GABRA2: variants seen among roughly 807,000 people sequenced by gnomAD.
GABRA2 encodes the protein gamma-aminobutyric acid type A receptor subunit alpha2.
Under a neutral mutation model 48.7 loss-of-function variants are expected in GABRA2, and 16 were observed. That is an observed-to-expected ratio of 0.33 (90% CI 0.22 to 0.50). The LOEUF (loss-of-function observed/expected upper bound fraction) is 0.50, where lower values mean the gene tolerates loss of function less well. GABRA2 is among the 20% of genes least tolerant of loss of function. GABRA2 has a pLI of 0.98. For missense variants in GABRA2, 275 were observed against 535.6 expected, an observed-to-expected ratio of 0.51 and a Z score of 4.80; for synonymous variants, 185 against 184.5, an observed-to-expected ratio of 1.00 and a Z score of -0.02.
chr4:46,305,164 C>T (rs555442730), intron 7 of GABRA2, among the ~76,000 whole-genome samples: 35 of 144,186 alleles, frequency 2.4e-4, no homozygotes, highest in African/African-American at 9.0e-4. Context: ...ATCGCAAGGA[C>T]AAAAAACCAA....
intron 3 of GABRA2, among the ~76,000 whole-genome samples, chr4:46,341,260 T>A (rs1733172090): frequency 6.6e-6 from 1 of 152,064 alleles, no homozygotes. Flanking sequence ...TCCAGTTTTT[T>A]CTGTATATGG....
intron 4 of GABRA2, among the ~76,000 whole-genome samples, chr4:46,322,657 T>C (rs1729656156): frequency 6.6e-6 from 1 of 152,012 alleles, no homozygotes; most frequent in African/African-American, 2.4e-5. Context: ...TTCAATGCTG[T>C]GTCACCGGCA....
intron 9 of GABRA2, among the ~76,000 whole-genome samples, chr4:46,260,391 G>T (rs186397357): frequency 1.3e-5 from 2 of 151,948 alleles, no homozygotes; most frequent in African/African-American, 4.8e-5. Context: ...GTAAGCTATT[G>T]CTTTTATAGA....
intron 3 of GABRA2, among the ~76,000 whole-genome samples, chr4:46,342,525 CCTCA>C (rs1733415463): frequency 6.6e-6 from 1 of 152,008 alleles, no homozygotes. Context: ...CTGTTATTGC[CCTCA>C]CTAACTGCTG....
At chr4:46,370,915 C>T in intron 3 of GABRA2, among the ~76,000 whole-genome samples, 1 of 152,066 alleles carries the variant, frequency 6.6e-6, no homozygotes, top group South Asian at 2.1e-4. Flanking sequence ...ACACAACACA[C>T]ACACACAAAA....
intron 7 of GABRA2, among the ~76,000 whole-genome samples, chr4:46,304,415 T>G (rs2109633137): frequency 6.6e-6 from 1 of 152,336 alleles, no homozygotes; most frequent in South Asian, 2.1e-4. Context: ...CCCTGGGTTT[T>G]AATTATTGCC....
chr4:46,368,918 T>A (rs531898058), intron 3 of GABRA2: 325 of 672,120 alleles, frequency 4.8e-4, no homozygotes, highest in Non-Finnish European at 7.0e-4. Context: ...CCTTTATTTG[T>A]TCTGCCCATG....
chr4:46,386,330 A>G (rs1717453194), intron 2 of GABRA2, 141 bp from the exon 3 acceptor site: 1 of 579,556 alleles, frequency 1.7e-6, no homozygotes, highest in Non-Finnish European at 3.0e-6. Context: ...TTTAACTTCT[A>G]TAAATATCGG....
intron 4 of GABRA2, among the ~76,000 whole-genome samples, chr4:46,326,253 C>G (rs1022701216): frequency 6.6e-6 from 1 of 151,922 alleles, no homozygotes; most frequent in African/African-American, 2.4e-5. Context: ...TACAACCCTC[C>G]TTCCCCAAGA....
At chr4:46,289,993 G>A (rs1723307822) in intron 8 of GABRA2, among the ~76,000 whole-genome samples, 2 of 149,414 alleles carry the variant, frequency 1.3e-5, no homozygotes, top group Non-Finnish European at 3.0e-5. Flanking sequence ...CTCACTGCAA[G>A]ACCCGCCTCC....
At chr4:46,291,493 G>A (rs780071159) in intron 8 of GABRA2, among the ~76,000 whole-genome samples, 6 of 152,102 alleles carry the variant, frequency 3.9e-5, no homozygotes, top group Non-Finnish European at 8.8e-5. Context: ...TCAGTGGGCT[G>A]GGAAAGGCAG....
intron 3 of GABRA2, among the ~76,000 whole-genome samples, chr4:46,358,102 G>A (rs545973806): frequency 2.8e-4 from 42 of 152,224 alleles, no homozygotes; most frequent in African/African-American, 9.4e-4. Context: ...CACTCAACAG[G>A]TGATGAGGAA....
chr4:46,350,969 A>G (rs1324347482), intron 3 of GABRA2, among the ~76,000 whole-genome samples: 1 of 151,926 alleles, frequency 6.6e-6, no homozygotes, highest in Non-Finnish European at 1.5e-5. Flanking sequence ...AAAGCTGGGG[A>G]GCCAGAGAAG....
rs1306152463 is a variant in GABRA2 at position 46,383,069 on chromosome 4, G to A, written c.187+3005C>T. Reference sequence around the variant, plus strand: ...TCAGACTAAAAATGTTGGATGCAGAGGTAATTATGATAATAATTTAAACTT... The same window carrying A: ...TCAGACTAAAAATGTTGGATGCAGAAGTAATTATGATAATAATTTAAACTT... On this transcript the variant is annotated intron_variant, in intron 3 of 9. Coordinates refer to ENST00000381620, the MANE Select transcript of GABRA2 (RefSeq NM_000807.4). Among the ~76,000 whole-genome samples the A allele has an allele frequency of 2.0e-5, 3 of 152,004 alleles. No homozygotes were observed. The East Asian group carries it at 5.8e-4, about 29-fold the overall frequency.
intron 8 of GABRA2, among the ~76,000 whole-genome samples, chr4:46,270,996 A>T (rs74600371): frequency 1.8e-4 from 27 of 148,238 alleles, no homozygotes; most frequent in African/African-American, 2.5e-4. Flanking sequence ...CTACTATATA[A>T]AAAAAAAAAA....
chr4:46,355,341 T>A (rs959719018), intron 3 of GABRA2, among the ~76,000 whole-genome samples: 1 of 152,174 alleles, frequency 6.6e-6, no homozygotes, highest in Non-Finnish European at 1.5e-5. Flanking sequence ...TAAACATCCA[T>A]CATGCTTTAA....
intron 3 of GABRA2, among the ~76,000 whole-genome samples, chr4:46,353,204 C>T (rs145438696): frequency 1.3e-5 from 2 of 152,178 alleles, no homozygotes; most frequent in East Asian, 3.9e-4. Flanking sequence ...CTTTCACACC[C>T]ATATCCAATC....
chr4:46,308,408 A>G (rs1292426167), intron 6 of GABRA2, among the ~76,000 whole-genome samples: 1 of 152,138 alleles, frequency 6.6e-6, no homozygotes, highest in Non-Finnish European at 1.5e-5. Flanking sequence ...AGGGCTTTCA[A>G]GTAAGGAAGG....
intron 8 of GABRA2, among the ~76,000 whole-genome samples, chr4:46,275,570 G>A (rs1720329199): frequency 6.6e-6 from 1 of 152,052 alleles, no homozygotes; most frequent in Non-Finnish European, 1.5e-5. Flanking sequence ...AATTTCATGA[G>A]TTTAAAATAA....
Sources: gnomAD v4.1 joint callset for allele counts (sites outside exome capture counted in the v4.1 genomes callset) on GRCh38, gnomAD v4.1.1 for gene constraint, MANE v1.5 for transcripts, NCBI Gene and HGNC (gene_info 2026-07-23, HGNC 2026-07-21) for gene names.